The following AKR1C3 variants were observed in gnomAD, a reference collection of about 807,000 sequenced individuals.
AKR1C3 encodes the protein aldo-keto reductase family 1 member C3, also known as 3-alpha hydroxysteroid dehydrogenase, type II.
In AKR1C3, 48 loss-of-function variants were observed where a neutral mutation model predicts 43.6. That is an observed-to-expected ratio of 1.10 (90% CI 0.87 to 1.40). AKR1C3 has a LOEUF of 1.40. Ranked by LOEUF, AKR1C3 falls within the 40% of genes most tolerant of loss-of-function variation. The pLI is 0.00. For synonymous variants in AKR1C3, 162 were observed against 139.6 expected (o/e 1.16, Z -1.13); for missense variants, 482 against 391.2 (o/e 1.23, Z -1.96).
intron 1 of AKR1C3, among the ~76,000 whole-genome samples, chr10:5,076,738 G>A (rs1838722238): frequency 6.6e-6 from 1 of 152,044 alleles, no homozygotes; most frequent in Non-Finnish European, 1.5e-5. Context: ...AAGACATATC[G>A]TAAAACTCAC....
intron 8 of AKR1C3, 74 bp from the exon 9 acceptor site, chr10:5,107,387 T>G: frequency 9.3e-7 from 1 of 1,076,256 alleles, no homozygotes; most frequent in Non-Finnish European, 1.4e-6. Flanking sequence ...TAATGACAGC[T>G]TCATTGAAAT....
intron 1 of AKR1C3, among the ~76,000 whole-genome samples, chr10:5,049,879 T>C (rs952298832): frequency 1.3e-5 from 2 of 152,218 alleles, no homozygotes; most frequent in Non-Finnish European, 2.9e-5. Flanking sequence ...TTGAGGTCAG[T>C]GTGGGTTAAC....
intron 8 of AKR1C3, 82 bp from the exon 9 acceptor site, chr10:5,107,379 A>T: frequency 9.9e-7 from 1 of 1,011,828 alleles, no homozygotes; most frequent in South Asian, 1.3e-5. Context: ...ATTCATACTA[A>T]TGACAGCTTC....
At chr10:5,098,430 A>C (rs1554785494) in intron 3 of AKR1C3, among the ~76,000 whole-genome samples, 1 of 152,196 alleles carries the variant, frequency 6.6e-6, no homozygotes, top group African/African-American at 2.4e-5. Flanking sequence ...AGGTGGTCTG[A>C]TAATCCTACC....
intron 1 of AKR1C3, among the ~76,000 whole-genome samples, chr10:5,095,496 A>G (rs1382052336): frequency 6.6e-6 from 1 of 151,962 alleles, no homozygotes; most frequent in Non-Finnish European, 1.5e-5. Flanking sequence ...AAAAAAAAAA[A>G]AGACTGTTCT....
At chr10:5,097,633 T>C (rs782010496) in intron 3 of AKR1C3, 83 bp downstream of exon 3, 2 of 1,603,844 alleles carry the variant, frequency 1.2e-6, no homozygotes, top group Admixed American at 1.7e-5. Context: ...CAGAGCTTTT[T>C]ATTAGGAGGA....
chr10:5,067,052 GTT>G (rs1838521136), intron 1 of AKR1C3, among the ~76,000 whole-genome samples: 1 of 152,106 alleles, frequency 6.6e-6, no homozygotes, highest in African/African-American at 2.4e-5. Context: ...TTGTTTGTTT[GTT>G]TGTTTTTGAA....
chr10:5,098,968 C>G, intron 4 of AKR1C3, 89 bp downstream of exon 4: 1 of 1,070,878 alleles, frequency 9.3e-7, no homozygotes, highest in Non-Finnish European at 1.4e-6. Context: ...GGAATATGCA[C>G]CATTAGATCT....
intron 1 of AKR1C3, among the ~76,000 whole-genome samples, chr10:5,069,738 G>T (rs1838580897): frequency 6.6e-6 from 1 of 152,116 alleles, no homozygotes; most frequent in African/African-American, 2.4e-5. Context: ...GCCCAGCATG[G>T]TGGCAGGCAC....
At chr10:5,080,271 T>C (rs902573122) in intron 1 of AKR1C3, among the ~76,000 whole-genome samples, 1 of 152,158 alleles carries the variant, frequency 6.6e-6, no homozygotes, top group Non-Finnish European at 1.5e-5. Flanking sequence ...AAAAAATCTT[T>C]CCTTGTGCAA....
chr10:5,056,307 A>G (rs1425948965), intron 1 of AKR1C3, among the ~76,000 whole-genome samples: 2 of 152,164 alleles, frequency 1.3e-5, no homozygotes, highest in East Asian at 1.9e-4. Flanking sequence ...GGAATACAGA[A>G]GAAGGCATCC....
chr10:5,102,030 A>T, intron 5 of AKR1C3, 71 bp from the exon 6 acceptor site: 1 of 975,742 alleles, frequency 1.0e-6, no homozygotes, highest in Non-Finnish European at 1.6e-6. Context: ...CAGCTTCCTT[A>T]CTTTCATCTT....
At chr10:5,070,983 C>A (rs1224991886) in intron 1 of AKR1C3, among the ~76,000 whole-genome samples, 12 of 152,212 alleles carry the variant, frequency 7.9e-5, no homozygotes, top group African/African-American at 2.7e-4. Flanking sequence ...AGGTGATCTT[C>A]ATGTCTGCTT....
chr10:5,073,960 C>T (rs1554781564), intron 1 of AKR1C3, among the ~76,000 whole-genome samples: 1 of 152,056 alleles, frequency 6.6e-6, no homozygotes, highest in Non-Finnish European at 1.5e-5. Context: ...GGGAACTGCT[C>T]AGCACAAACT....
At chr10:5,083,455 A>G (rs1198236280) in intron 1 of AKR1C3, among the ~76,000 whole-genome samples, 5 of 152,054 alleles carry the variant, frequency 3.3e-5, no homozygotes, top group African/African-American at 7.2e-5. Context: ...TAGGTGCCAC[A>G]TTTTCTTAAT....
At chr10:5,068,605 C>T (rs1288197365) in intron 1 of AKR1C3, among the ~76,000 whole-genome samples, 2 of 151,952 alleles carry the variant, frequency 1.3e-5, no homozygotes, top group Admixed American at 6.6e-5. Context: ...TGACTCCTAG[C>T]AATCTTAATT....
At position 5,059,175 on chromosome 10, in the gene AKR1C3, A is replaced by G. The variant is rs1463817537; in HGVS notation, c.84+10280A>G. Among the ~76,000 whole-genome samples the G allele has an allele frequency of 5.3e-5, 8 of 152,136 alleles. No homozygotes were observed. In the East Asian group the frequency reaches 1.4e-3, roughly 26 times the overall value. On this transcript the variant is annotated intron_variant, in intron 1 of 8. Coordinates refer to the AKR1C3 transcript ENST00000439082. ...CACTATGATGGGGCTTTGGGCAAAA[A>G]TTATGTCTTTCTGATTGGTGAATCC...
At chr10:5,093,675 T>C (rs1554784669), upstream of AKR1C3, 1 of 152,132 alleles carries the variant, frequency 6.6e-6, no homozygotes, top group African/African-American at 2.4e-5. Flanking sequence ...ATAAACCTGG[T>C]TGAAGAACAA....
chr10:5,102,418 G>A, intron 6 of AKR1C3, 67 bp from the exon 7 acceptor site: 2 of 1,297,444 alleles, frequency 1.5e-6, no homozygotes, highest in African/African-American at 1.5e-5. Flanking sequence ...GCCTTAGTCT[G>A]TTTAGGGAGC....
Sources: gnomAD v4.1 joint callset for allele counts (sites outside exome capture counted in the v4.1 genomes callset) on GRCh38, gnomAD v4.1.1 for gene constraint, MANE v1.5 for transcripts, NCBI Gene and HGNC (gene_info 2026-07-23, HGNC 2026-07-21) for gene names.